KCNK9: variants seen among roughly 807,000 people sequenced by gnomAD.
KCNK9 encodes potassium two pore domain channel subfamily K member 9.
KCNK9 carries 1 observed loss-of-function variant against 10.8 expected under a neutral mutation model. The ratio of observed to expected loss-of-function variants is 0.09; its 90% confidence interval spans 0.03 to 0.44. The LOEUF (loss-of-function observed/expected upper bound fraction) is 0.44, where lower values mean the gene tolerates loss of function less well. Among genes scored for constraint, KCNK9 ranks in the 20% least tolerant of loss-of-function variants. The pLI is 0.97. For missense variants in KCNK9, 303 were observed against 515.0 expected, an observed-to-expected ratio of 0.59 and a Z score of 3.98; for synonymous variants, 231 against 222.7, an observed-to-expected ratio of 1.04 and a Z score of -0.33.
At chr8:139,604,659 C>T (rs1008985180) in intron 2 of KCNK9, among the ~76,000 whole-genome samples, 7 of 152,170 alleles carry the variant, frequency 4.6e-5, no homozygotes, top group East Asian at 1.9e-4. Context: ...GAAAGGAACA[C>T]GGAACACCCC....
At chr8:139,662,843 G>GA (rs1563741049) in intron 1 of KCNK9, among the ~76,000 whole-genome samples, 60 of 129,416 alleles carry the variant, frequency 4.6e-4, no homozygotes, top group African/African-American at 1.7e-3. Context: ...CAGGGAAAGG[G>GA]GAGAAGGGAG....
downstream of KCNK9, among the ~76,000 whole-genome samples, chr8:139,608,810 G>A (rs965663180): frequency 6.6e-6 from 1 of 152,244 alleles, no homozygotes; most frequent in Non-Finnish European, 1.5e-5. Context: ...AGCTCTGTGT[G>A]ATTAGTAACA....
chr8:139,674,083 G>A (rs1816495765), intron 1 of KCNK9, among the ~76,000 whole-genome samples: 2 of 152,214 alleles, frequency 1.3e-5, no homozygotes, highest in South Asian at 2.1e-4. Context: ...CACGTGGGGT[G>A]TATTGTGGAA....
At chr8:139,667,258 G>A (rs747316691) in intron 1 of KCNK9, among the ~76,000 whole-genome samples, 9 of 152,222 alleles carry the variant, frequency 5.9e-5, no homozygotes, top group Admixed American at 1.3e-4. Flanking sequence ...CATCCTTGCC[G>A]CCCAGGCAGT....
At chr8:139,634,731 G>C (rs1222561394) in intron 1 of KCNK9, among the ~76,000 whole-genome samples, 2 of 152,124 alleles carry the variant, frequency 1.3e-5, no homozygotes, top group African/African-American at 4.8e-5. Flanking sequence ...GGCTCGCACG[G>C]GTGCCTCCTC....
intron 1 of KCNK9, among the ~76,000 whole-genome samples, chr8:139,657,722 GCA>G (rs1816055705): frequency 6.6e-6 from 1 of 152,176 alleles, no homozygotes; most frequent in African/African-American, 2.4e-5. Context: ...AAGCTGCACC[GCA>G]TGGTCACTAC....
downstream of KCNK9, among the ~76,000 whole-genome samples, chr8:139,613,973 T>C (rs1178297660): frequency 2.0e-5 from 3 of 152,356 alleles, no homozygotes; most frequent in African/African-American, 7.2e-5. Context: ...AAAGGGTATC[T>C]TGGGGCCTGT....
intron 1 of KCNK9, among the ~76,000 whole-genome samples, chr8:139,654,297 A>G (rs1292899835): frequency 2.0e-5 from 3 of 152,230 alleles, no homozygotes; most frequent in Admixed American, 6.5e-5. Context: ...TGCAGCGTTC[A>G]GCCCCCTTCA....
At chr8:139,663,799 T>G (rs564392170) in intron 1 of KCNK9, among the ~76,000 whole-genome samples, 2 of 152,040 alleles carry the variant, frequency 1.3e-5, no homozygotes, top group East Asian at 1.9e-4. Context: ...GCCCAGCCAG[T>G]CCCCAGAAAT....
chr8:139,640,104 G>A (rs767562891), intron 1 of KCNK9, among the ~76,000 whole-genome samples: 5 of 151,864 alleles, frequency 3.3e-5, no homozygotes, highest in Non-Finnish European at 5.9e-5. Flanking sequence ...GGCCAGGCTC[G>A]GATAGATCTT....
chr8:139,702,699 C>T lies in KCNK9; in HGVS notation c.283+11G>A, dbSNP rs1817258949. On this transcript the variant is annotated intron_variant, in intron 1 of 1. Coordinates refer to ENST00000520439, the MANE Select transcript of KCNK9 (RefSeq NM_001282534.2). The surrounding 1 kb of genome is among the most constrained non-coding windows in gnomAD (Gnocchi z 7.5). Reference sequence around the variant, plus strand: ...GGGGCGCGGGAGCCCAGCGGCGCGCCCAGCCCTTACCTATGGTGGTGATGA... The same window carrying T: ...GGGGCGCGGGAGCCCAGCGGCGCGCTCAGCCCTTACCTATGGTGGTGATGA... 1 of 1,602,672 alleles carries T rather than the reference C, an allele frequency of 6.2e-7. No homozygotes were observed. Among genetic ancestry groups the T allele is most frequent in the South Asian group, 1.1e-5 (1 of 90,236 alleles).
chr8:139,649,612 C>T (rs549517743), intron 1 of KCNK9, among the ~76,000 whole-genome samples: 10 of 152,248 alleles, frequency 6.6e-5, no homozygotes, highest in Non-Finnish European at 1.0e-4. Flanking sequence ...CTGCACTGTG[C>T]GACAGATACA....
Position 139,619,082 on chromosome 8 carries a change from G to T in KCNK9, c.301C>A (p.Pro101Thr). 6.2e-7 allele frequency: 1 copy of T among 1,614,198 alleles called. No homozygotes were observed. The highest frequency in any genetic ancestry group is 1.3e-5 in the African/African-American group (1 of 75,068). ...AAGGCCTTGCCCGCATCGGTGCCAG[G>T]TGCAGCGTGCCCATAACCTGTGGGA... ...ITTIGYGHAA[P>T]GTDAGKAFCM... Residue 101 changes from proline (P) to threonine (T), a missense_variant, in exon 2 of 2, where the codon CCT becomes ACT. Transcript: ENST00000520439.
chr8:139,648,541 T>A (rs1454354667), intron 1 of KCNK9, among the ~76,000 whole-genome samples: 1 of 152,246 alleles, frequency 6.6e-6, no homozygotes, highest in African/African-American at 2.4e-5. Flanking sequence ...GGACTGAGAA[T>A]GGGCCACTAG....
At chr8:139,643,002 CG>C (rs1563731154) in intron 1 of KCNK9, among the ~76,000 whole-genome samples, 1 of 152,150 alleles carries the variant, frequency 6.6e-6, no homozygotes, top group African/African-American at 2.4e-5. Flanking sequence ...CTCCCTCCAC[CG>C]AGGCCCAGCC....
intron 1 of KCNK9, among the ~76,000 whole-genome samples, chr8:139,631,047 C>T (rs2129635456): frequency 6.6e-6 from 1 of 152,342 alleles, no homozygotes; most frequent in South Asian, 2.1e-4. Context: ...GCAACGGCGC[C>T]CTCTGGCGGG....
chr8:139,609,410 G>A (rs555328770), downstream of KCNK9, among the ~76,000 whole-genome samples: 1 of 152,214 alleles, frequency 6.6e-6, no homozygotes, highest in Non-Finnish European at 1.5e-5. Context: ...CCCTCAGAAG[G>A]GGGTAGGGGG....
chr8:139,682,064 C>CACGAGGGG (rs896087058), intron 1 of KCNK9, among the ~76,000 whole-genome samples: 1 of 152,208 alleles, frequency 6.6e-6, no homozygotes, highest in Non-Finnish European at 1.5e-5. Context: ...GAGTGGGGAG[C>CACGAGGGG]ACGAGGGGTG....
At chr8:139,639,131 T>C (rs919407191) in intron 1 of KCNK9, among the ~76,000 whole-genome samples, 1 of 152,068 alleles carries the variant, frequency 6.6e-6, no homozygotes, top group African/African-American at 2.4e-5. Flanking sequence ...CTCTGACAGA[T>C]TCTGGACAAA....
Sources: allele counts gnomAD v4.1 joint callset (sites outside exome capture counted in the v4.1 genomes callset), GRCh38; gene constraint gnomAD v4.1.1; non-coding constraint Gnocchi (gnomAD v3.1); transcripts MANE v1.5; gene names NCBI Gene and HGNC (gene_info 2026-07-23, HGNC 2026-07-21).